APBA2: variants seen among roughly 807,000 people sequenced by gnomAD.
APBA2 encodes amyloid-beta A4 precursor protein-binding family A member 2.
In APBA2, 30 loss-of-function variants were observed where a neutral mutation model predicts 75.0. The ratio of observed to expected loss-of-function variants is 0.40; its 90% CI spans 0.30 to 0.54. The LOEUF is 0.54. Among genes scored for constraint, APBA2 ranks in the 20% least tolerant of loss-of-function variants. APBA2 has a pLI of 0.49. For synonymous variants in APBA2, 444 were observed against 409.6 expected, an observed-to-expected ratio of 1.08 and a Z score of -1.01; for missense variants, 801 against 1,016.1, an observed-to-expected ratio of 0.79 and a Z score of 2.88.
chr15:29,014,212 C>T (rs777247910), intron 3 of APBA2, among the ~76,000 whole-genome samples: 1 of 152,176 alleles, frequency 6.6e-6, no homozygotes, highest in African/African-American at 2.4e-5. Flanking sequence ...GCATGCAGCT[C>T]ACATATTTCA....
In APBA2 at chr15:29,087,449, A is replaced by AG. The variant is rs200631382; in HGVS notation, c.1070-5625dup. Among the ~76,000 whole-genome samples, 647 of 152,234 alleles carry AG rather than the reference A, an allele frequency of 4.3e-3. 2 individuals are homozygous for AG. The highest frequency in any genetic ancestry group is 0.015 in the African/African-American group (621 of 41,536). On this transcript the variant is annotated intron_variant, in intron 6 of 14. Transcript: ENST00000683413. The stretch of plus-strand genomic sequence containing the variant: ...TTAATCTTGCTCATTGGGTGTCTAA[A>AG]GTTCAACACTGTGGAACCCCCAAAT...
chr15:29,098,269 G>A (rs1420257669), intron 8 of APBA2, among the ~76,000 whole-genome samples: 1 of 152,172 alleles, frequency 6.6e-6, no homozygotes, highest in Non-Finnish European at 1.5e-5. Context: ...CCCTCCCACA[G>A]TGTACCAGGG....
chr15:29,030,302 A>G (rs2040424692), intron 3 of APBA2, among the ~76,000 whole-genome samples: 1 of 152,126 alleles, frequency 6.6e-6, no homozygotes, highest in Admixed American at 6.5e-5. Flanking sequence ...TACTAAAAAT[A>G]CTTAAAAAAA....
chr15:29,004,855 T>G (rs1010421928), intron 3 of APBA2, among the ~76,000 whole-genome samples: 5 of 152,130 alleles, frequency 3.3e-5, no homozygotes, highest in African/African-American at 1.2e-4. Flanking sequence ...AATTTTTGTA[T>G]TTTTAGTAGA....
intron 2 of APBA2, among the ~76,000 whole-genome samples, chr15:28,935,917 G>A (rs1033337856): frequency 1.3e-5 from 2 of 152,172 alleles, no homozygotes; most frequent in Non-Finnish European, 2.9e-5. Flanking sequence ...GTATGATTAG[G>A]CAGAAAGCCC....
chr15:28,916,505 T>G (rs1396739608), intron 1 of APBA2, among the ~76,000 whole-genome samples: 12 of 152,242 alleles, frequency 7.9e-5, no homozygotes, highest in Non-Finnish European at 1.3e-4. Flanking sequence ...TGCTCCCACC[T>G]GTCTCCCTCT....
At chr15:29,004,648 T>C (rs933168462) in intron 3 of APBA2, among the ~76,000 whole-genome samples, 2 of 152,126 alleles carry the variant, frequency 1.3e-5, no homozygotes, top group South Asian at 2.1e-4. Context: ...CGAACTCCAG[T>C]GTGCGCCGGA....
intron 4 of APBA2, among the ~76,000 whole-genome samples, chr15:29,062,229 G>A (rs531364352): frequency 2.6e-5 from 4 of 152,220 alleles, no homozygotes; most frequent in Admixed American, 2.0e-4. Flanking sequence ...CACCCATGGC[G>A]TCAGGCCTAG....
At chr15:28,893,699 T>G (rs1238773867) in intron 1 of APBA2, among the ~76,000 whole-genome samples, 11 of 152,202 alleles carry the variant, frequency 7.2e-5, no homozygotes, top group Non-Finnish European at 1.3e-4. Flanking sequence ...TTTTGCAGGT[T>G]GGATGTGCGG....
intron 3 of APBA2, among the ~76,000 whole-genome samples, chr15:29,013,082 G>T (rs956376004): frequency 6.6e-6 from 1 of 151,938 alleles, no homozygotes; most frequent in Non-Finnish European, 1.5e-5. Flanking sequence ...CTTGGTGAGA[G>T]GATTAGTCTG....
Position 29,070,829 on chromosome 15 carries a change from T to C in APBA2, c.952-4092T>C, listed in dbSNP as rs140535474. 1,115 of 293,662 alleles carry C rather than the reference T, an allele frequency of 3.8e-3. 15 individuals carry two copies. The highest frequency in any genetic ancestry group is 0.023 in the African/African-American group (1,045 of 45,210). The allele number at this position is 293,662 out of a possible 1,614,324, so 18.2% of individuals were successfully genotyped here. On this transcript the variant is annotated intron_variant, in intron 4 of 14. Coordinates refer to ENST00000683413, the MANE Select transcript of APBA2 (RefSeq NM_001353788.2). ...GGAGGAAGAAGTCCCTGTTGAAATA[T>C]CAGATGAGTAGGGATGATCGCCTCT...
intron 3 of APBA2, among the ~76,000 whole-genome samples, chr15:29,047,060 T>A (rs1470956028): frequency 3.3e-5 from 5 of 152,228 alleles, no homozygotes; most frequent in African/African-American, 1.2e-4. Context: ...CATTTTCAGT[T>A]TCCTAAGGAG....
At chr15:28,913,366 CCCGTG>C (rs2033522489) in intron 1 of APBA2, among the ~76,000 whole-genome samples, 2 of 152,324 alleles carry the variant, frequency 1.3e-5, no homozygotes, top group South Asian at 4.2e-4. Flanking sequence ...TCAGCAGTGG[CCCGTG>C]CCCACCACTG....
At chr15:28,948,206 G>A (rs1423703954) in intron 2 of APBA2, among the ~76,000 whole-genome samples, 1 of 152,236 alleles carries the variant, frequency 6.6e-6, no homozygotes, top group Non-Finnish European at 1.5e-5. Flanking sequence ...GGCTCACAGA[G>A]GTTCAGGGTT....
chr15:29,108,428 G>T (rs762824585), intron 13 of APBA2, 39 bp downstream of exon 13: 1 of 1,613,492 alleles, frequency 6.2e-7, no homozygotes, highest in Non-Finnish European at 8.5e-7. Flanking sequence ...CACCACCACT[G>T]CAGGGCCCAG....
chr15:29,002,417 A>G (rs2038896778), intron 3 of APBA2, among the ~76,000 whole-genome samples: 1 of 152,136 alleles, frequency 6.6e-6, no homozygotes, highest in South Asian at 2.1e-4. Context: ...ATCTCCTTCA[A>G]TCAGTTCATA....
chr15:28,906,739 A>G (rs2033153494), intron 1 of APBA2, among the ~76,000 whole-genome samples: 1 of 152,220 alleles, frequency 6.6e-6, no homozygotes, highest in African/African-American at 2.4e-5. Context: ...ATTTGTAAAA[A>G]TTGTGAATGA....
At chr15:28,894,719 A>G (rs2032356788) in intron 1 of APBA2, among the ~76,000 whole-genome samples, 1 of 152,158 alleles carries the variant, frequency 6.6e-6, no homozygotes, top group Non-Finnish European at 1.5e-5. Context: ...AACAACGCAT[A>G]GTTTACCAAG....
chr15:29,063,614 C>T (rs34660352), intron 4 of APBA2, among the ~76,000 whole-genome samples: 5 of 54,900 alleles, frequency 9.1e-5, no homozygotes, highest in African/African-American at 3.7e-4. Flanking sequence ...ATGGGTGGTG[C>T]GGGGAGTTGA....
Sources: allele counts gnomAD v4.1 joint callset (sites outside exome capture counted in the v4.1 genomes callset), GRCh38; gene constraint gnomAD v4.1.1; transcripts MANE v1.5; gene names NCBI Gene and HGNC (gene_info 2026-07-23, HGNC 2026-07-21).